The following ZNF670 variants were observed in gnomAD, a reference collection of about 807,000 sequenced individuals.
ZNF670 encodes zinc finger protein 670.
A neutral mutation model predicts 10.9 loss-of-function variants in ZNF670; 7 were observed. The ratio of observed to expected loss-of-function variants is 0.64; its 90% confidence interval spans 0.36 to 1.20. The LOEUF (loss-of-function observed/expected upper bound fraction) is 1.20. Among genes scored for constraint, ZNF670 ranks in the 50% most tolerant of loss-of-function variants. The probability of loss-of-function intolerance (pLI) is 0.02; values close to 1 mark genes in which losing one functional copy is unlikely to be tolerated. For synonymous variants in ZNF670, 136 were observed against 152.7 expected, an observed-to-expected ratio of 0.89 and a Z score of 0.81; for missense variants, 446 against 458.6, an observed-to-expected ratio of 0.97 and a Z score of 0.25.
intron 1 of ZNF670, among the ~76,000 whole-genome samples, chr1:247,062,780 G>A (rs56032735): frequency 0.017 from 2,556 of 152,220 alleles, 36 homozygotes; most frequent in Non-Finnish European, 0.026. Flanking sequence ...AGGGTCTATC[G>A]GAAGACTCCC....
intron 3 of ZNF670, 124 bp from the exon 4 acceptor site, chr1:247,038,551 G>C (rs2818879): frequency 2.1e-6 from 2 of 951,450 alleles, no homozygotes; most frequent in Admixed American, 5.7e-5. Context: ...ATTAATTACT[G>C]TAAGATATGG....
At position 247,078,401 on chromosome 1, in the gene ZNF670, C is replaced by T. The variant is rs549622880; in HGVS notation, c.3+193G>A. Among the ~76,000 whole-genome samples, 6 of 152,278 alleles carry T rather than the reference C, an allele frequency of 3.9e-5. No homozygotes were observed. In the East Asian group the frequency reaches 1.2e-3, roughly 29 times the overall value. The stretch of plus-strand genomic sequence containing the variant: ...GCCCAGAAAGGGTTCCGGGCCTGGC[C>T]GAAGCGGCGGGGCAGGGACAAGCCA... On this transcript the variant is annotated intron_variant, in intron 1 of 3. Coordinates refer to ENST00000366503, the MANE Select transcript of ZNF670 (RefSeq NM_033213.5).
At chr1:247,047,914 G>C (rs916282313) in intron 1 of ZNF670, among the ~76,000 whole-genome samples, 7 of 152,058 alleles carry the variant, frequency 4.6e-5, no homozygotes, top group Non-Finnish European at 1.0e-4. Flanking sequence ...TTTCTCCTAT[G>C]CCTCCAAGCC....
At chr1:247,072,070 G>A (rs1671130062) in intron 1 of ZNF670, among the ~76,000 whole-genome samples, 1 of 151,702 alleles carries the variant, frequency 6.6e-6, no homozygotes, top group African/African-American at 2.4e-5. Flanking sequence ...TGTTAGCCAG[G>A]ATGATCTTGA....
At chr1:247,050,062 G>A (rs1283168887) in intron 1 of ZNF670, among the ~76,000 whole-genome samples, 1 of 152,190 alleles carries the variant, frequency 6.6e-6, no homozygotes, top group Non-Finnish European at 1.5e-5. Context: ...ATATAGTCAA[G>A]ACCATTGATT....
chr1:247,045,343 C>A (rs1271368465), intron 1 of ZNF670, among the ~76,000 whole-genome samples: 1 of 152,128 alleles, frequency 6.6e-6, no homozygotes, highest in African/African-American at 2.4e-5. Context: ...TGGAGGTGGG[C>A]CTAGGGGAAG....
At position 247,078,750 on chromosome 1, in the gene ZNF670, C is replaced by G. The variant is rs1671317608; in HGVS notation, c.-154G>C. On this transcript the variant is annotated 5_prime_UTR_variant, in exon 1 of 4. Coordinates refer to ENST00000366503, the MANE Select transcript of ZNF670 (RefSeq NM_033213.5). Reference sequence around the variant, plus strand: ...CCGAGCTCGCCACATTCGCGCTGCCCAACACAAAAGCCGCGCCAGGTCCCG... The same window carrying G: ...CCGAGCTCGCCACATTCGCGCTGCCGAACACAAAAGCCGCGCCAGGTCCCG... The G allele has an allele frequency of 1.3e-6, 1 of 793,614 alleles. No individual in the cohort carries two copies. The highest frequency in any genetic ancestry group is 1.8e-5 in the African/African-American group (1 of 56,754). The allele number at this position is 793,614 out of a possible 1,614,324, so 49.2% of individuals were successfully genotyped here.
chr1:247,049,868 T>C (rs1184614925), intron 1 of ZNF670, among the ~76,000 whole-genome samples: 1 of 152,230 alleles, frequency 6.6e-6, no homozygotes, highest in African/African-American at 2.4e-5. Flanking sequence ...CCAATTATAC[T>C]CCATTGTGGT....
chr1:247,077,003 T>C (rs1360342052), intron 1 of ZNF670, among the ~76,000 whole-genome samples: 1 of 152,248 alleles, frequency 6.6e-6, no homozygotes, highest in African/African-American at 2.4e-5. Flanking sequence ...CTTTTCTGGT[T>C]CTTGCACCAC....
chr1:247,065,405 C>G (rs1456699946), intron 1 of ZNF670, among the ~76,000 whole-genome samples: 3 of 152,144 alleles, frequency 2.0e-5, no homozygotes, highest in Admixed American at 6.5e-5. Flanking sequence ...GAGTTAACTC[C>G]GTGAGCATAA....
chr1:247,068,355 A>G (rs1671041188), intron 1 of ZNF670, among the ~76,000 whole-genome samples: 1 of 148,716 alleles, frequency 6.7e-6, no homozygotes, highest in South Asian at 2.1e-4. Context: ...AAAAGATATG[A>G]ATAGACAGTT....
chr1:247,068,401 T>C (rs957763926), intron 1 of ZNF670, among the ~76,000 whole-genome samples: 1 of 146,736 alleles, frequency 6.8e-6, no homozygotes, highest in Non-Finnish European at 1.5e-5. Context: ...AACAGGCATA[T>C]GAAAAGATGC....
chr1:247,065,928 G>A lies in ZNF670; in HGVS notation c.3+12666C>T, dbSNP rs988575219. ...TTTTCTCAATGCGTAATAAATTTATGAAGCATTGTCACTTGGGACAAAAGC... is the reference window on the plus strand; with the variant it reads ...TTTTCTCAATGCGTAATAAATTTATAAAGCATTGTCACTTGGGACAAAAGC... On this transcript the variant is annotated intron_variant, in intron 1 of 3. Coordinates refer to ENST00000366503, the MANE Select transcript of ZNF670 (RefSeq NM_033213.5). 3.3e-5 allele frequency among the ~76,000 whole-genome samples: 5 copies of A among 152,176 alleles called. No individual in the cohort carries two copies. The East Asian group carries it at 9.6e-4, about 29-fold the overall frequency.
intron 1 of ZNF670, among the ~76,000 whole-genome samples, chr1:247,074,435 A>G (rs951090515): frequency 1.3e-5 from 2 of 151,964 alleles, no homozygotes; most frequent in Non-Finnish European, 2.9e-5. Flanking sequence ...TTCCTATGAA[A>G]GAAAGCCCTT....
intron 1 of ZNF670, among the ~76,000 whole-genome samples, chr1:247,060,494 A>G (rs866766966): frequency 3.0e-4 from 46 of 152,246 alleles, no homozygotes; most frequent in African/African-American, 1.0e-3. Flanking sequence ...TGAAACAGAA[A>G]ATTTAGAACT....
intron 1 of ZNF670, among the ~76,000 whole-genome samples, chr1:247,053,021 G>T (rs965324095): frequency 2.0e-5 from 3 of 152,118 alleles, no homozygotes; most frequent in Admixed American, 6.5e-5. Context: ...TGTTTCCAGG[G>T]GCACTATGGC....
intron 1 of ZNF670, among the ~76,000 whole-genome samples, chr1:247,061,951 A>AT (rs200147423): frequency 1.3e-5 from 2 of 152,310 alleles, no homozygotes; most frequent in East Asian, 3.9e-4. Flanking sequence ...GAAAAGAGGC[A>AT]TTTTCTATCC....
At chr1:247,054,673 G>A (rs555304955) in intron 1 of ZNF670, among the ~76,000 whole-genome samples, 8 of 152,172 alleles carry the variant, frequency 5.3e-5, no homozygotes, top group African/African-American at 1.4e-4. Flanking sequence ...AGTAAGCCAC[G>A]GGCCTTTGGT....
At chr1:247,071,840 TCA>T (rs1671121745) in intron 1 of ZNF670, among the ~76,000 whole-genome samples, 2 of 152,102 alleles carry the variant, frequency 1.3e-5, no homozygotes, top group Admixed American at 1.3e-4. Flanking sequence ...GTATTTCCTT[TCA>T]CAGTTTTATT....
Sources: allele counts gnomAD v4.1 joint callset (sites outside exome capture counted in the v4.1 genomes callset), GRCh38; gene constraint gnomAD v4.1.1; transcripts MANE v1.5; gene names NCBI Gene and HGNC (gene_info 2026-07-23, HGNC 2026-07-21).